ARIH2: variants seen among roughly 807,000 people sequenced by gnomAD.
ARIH2 encodes the protein ariadne RBR E3 ubiquitin protein ligase 2, also known as E3 ubiquitin-protein ligase ARIH2.
In ARIH2, 12 loss-of-function variants were observed where a neutral mutation model predicts 79.8. The observed-to-expected ratio is 0.15, with a 90% CI of 0.10 to 0.24. The LOEUF (loss-of-function observed/expected upper bound fraction) is 0.24, where lower values mean the gene tolerates loss of function less well. Ranked by LOEUF, ARIH2 falls within the 10% of genes least tolerant of loss-of-function variation. The pLI is 1.00. For missense variants in ARIH2, 301 were observed against 618.3 expected (o/e 0.49, Z 5.44); for synonymous variants, 224 against 213.9 (o/e 1.05, Z -0.41).
intron 3 of ARIH2, among the ~76,000 whole-genome samples, chr3:48,928,886 T>C (rs1288113234): frequency 1.3e-5 from 2 of 152,136 alleles, no homozygotes; most frequent in Admixed American, 6.6e-5. Flanking sequence ...TGTCTTGTGC[T>C]GAGCAGAAAA....
chr3:48,923,543 T>C (rs1186799825), intron 2 of ARIH2, among the ~76,000 whole-genome samples: 1 of 151,374 alleles, frequency 6.6e-6, no homozygotes, highest in East Asian at 1.9e-4. Flanking sequence ...TTTTTTAAGA[T>C]AGAGTTTCCC....
chr3:48,934,274 C>A (rs887016019), intron 3 of ARIH2: 33 of 624,080 alleles, frequency 5.3e-5, no homozygotes, highest in Non-Finnish European at 6.0e-5. Context: ...TTAATTGGTA[C>A]TAAATACTTA....
chr3:48,963,076 G>A (rs1383981486), intron 4 of ARIH2, among the ~76,000 whole-genome samples: 1 of 152,084 alleles, frequency 6.6e-6, no homozygotes, highest in Non-Finnish European at 1.5e-5. Flanking sequence ...GAGGAAGATC[G>A]TGCCTTTCCT....
Sources: allele counts gnomAD v4.1 joint callset (sites outside exome capture counted in the v4.1 genomes callset), GRCh38; gene constraint gnomAD v4.1.1; transcripts MANE v1.5; gene names NCBI Gene and HGNC (gene_info 2026-07-23, HGNC 2026-07-21).